PTRH1: variants seen among roughly 807,000 people sequenced by gnomAD.
PTRH1 encodes the protein peptidyl-tRNA hydrolase 1 homolog.
Under a neutral mutation model 15.7 loss-of-function variants are expected in PTRH1, and 13 were observed. That is an observed-to-expected ratio of 0.83 (90% CI 0.54 to 1.31). The LOEUF is 1.31. PTRH1 is among the 40% of genes most tolerant of loss of function. The pLI, the probability that PTRH1 is intolerant of heterozygous loss-of-function variation, is 0.00. For synonymous variants in PTRH1, 139 were observed against 136.7 expected (o/e 1.02, Z -0.12); for missense variants, 319 against 296.2 (o/e 1.08, Z -0.56).
intron 1 of PTRH1, among the ~76,000 whole-genome samples, chr9:127,698,939 C>T (rs906041467): frequency 2.7e-5 from 4 of 148,134 alleles, no homozygotes; most frequent in Non-Finnish European, 4.5e-5. Context: ...GACGGAGTCT[C>T]GCCCAGGCTG....
In PTRH1 at chr9:127,706,968, G is replaced by A. The variant is rs1842655940; in HGVS notation, c.205+8467C>T. 1.9e-6 allele frequency: 3 copies of A among 1,585,888 alleles called. No homozygotes were observed. In the Admixed American group the frequency reaches 5.2e-5, roughly 27 times the overall value. On this transcript the variant is annotated intron_variant, in intron 1 of 2. Transcript: ENST00000335223. Reference sequence around the variant, plus strand: ...TCCCTCGGCCTGTTGCTATGTACGGGACCAGCTTCCTTAGCAACCACCTGG... The same window carrying A: ...TCCCTCGGCCTGTTGCTATGTACGGAACCAGCTTCCTTAGCAACCACCTGG...
downstream of PTRH1, chr9:127,712,643 A>C (rs1010045908): frequency 6.2e-7 from 1 of 1,612,848 alleles, no homozygotes; most frequent in Non-Finnish European, 8.5e-7. Flanking sequence ...TGAGGTTGGA[A>C]TTTCCTGGAC....
Position 127,715,602 on chromosome 9 carries a change from A to G in PTRH1, c.38T>C (p.Leu13Pro). ...PGGFLGAGQR[L>P]SRAMSRCVLE... ...AACACATCGGCTCATGGCTCTACTC[A>G]GCCGCTGTCCGGCGCCCAAAAAGCC... Residue 13 changes from leucine to proline, a missense_variant, in exon 1 of 5, where the codon CTG becomes CCG. Transcript: ENST00000543175. This position sits in a 1 kb window ranked among gnomAD's most constrained non-coding sequence, Gnocchi z 5.8. 6.2e-7 allele frequency: 1 copy of G among 1,612,968 alleles called. No homozygotes were observed. The highest frequency in any genetic ancestry group is 8.5e-7 in the Non-Finnish European group (1 of 1,179,994).
At chr9:127,702,798 G>A (rs922546037) in intron 1 of PTRH1, among the ~76,000 whole-genome samples, 1 of 151,198 alleles carries the variant, frequency 6.6e-6, no homozygotes, top group African/African-American at 2.4e-5. Context: ...TGCAACCTCT[G>A]CCTCCTGGAT....
chr9:127,714,186 G>A lies in PTRH1; in HGVS notation c.559C>T (p.Leu187=), dbSNP rs1173880764. Residue 187 remains leucine, a synonymous_variant, in exon 5 of 5, where the codon CTG becomes TTG. Coordinates refer to ENST00000543175, the MANE Select transcript of PTRH1 (RefSeq NM_001002913.3). The part of the protein sequence containing the change: ...LGCFSPAEQE[L]LPLLLDRATD... ...GCTCGATCCAGCAACAGAGGCAGCA[G>A]CTCCTGCTCAGCAGGGGAGAAGCAG... The A allele has an allele frequency of 1.2e-6, 2 of 1,613,890 alleles. No homozygotes were observed. The highest frequency in any genetic ancestry group is 1.3e-5 in the African/African-American group (1 of 74,950).
chr9:127,708,044 C>T (rs1361947685), intron 1 of PTRH1, among the ~76,000 whole-genome samples: 2 of 152,122 alleles, frequency 1.3e-5, no homozygotes, highest in East Asian at 3.9e-4. Context: ...GGGAAGTCAC[C>T]CCCAGGAAGA....
At chr9:127,714,780 AC>A in intron 2 of PTRH1, 78 bp from the exon 3 acceptor site, 1 of 1,255,432 alleles carries the variant, frequency 8.0e-7, no homozygotes, top group Non-Finnish European at 1.1e-6. Context: ...ATGATGAGGG[AC>A]CACAACTAAT....
chr9:127,710,599 A>AG, downstream of PTRH1: 4 of 1,578,472 alleles, frequency 2.5e-6, no homozygotes, highest in Admixed American at 1.8e-5. Flanking sequence ...TGTGGCGGCC[A>AG]GGGGGGAAGC....
chr9:127,710,843 G>A (rs1046053615), downstream of PTRH1: 1 of 1,433,076 alleles, frequency 7.0e-7, no homozygotes, highest in African/African-American at 1.4e-5. Context: ...GCTTCTAACT[G>A]GGGGGTTAGA....
chr9:127,707,092 G>T (rs746909923), intron 1 of PTRH1: 2 of 1,613,940 alleles, frequency 1.2e-6, no homozygotes, highest in Non-Finnish European at 8.5e-7. Context: ...GAAGAAAGGG[G>T]GCAAGAAGGA....
rs1656500720 is a variant in PTRH1 at position 127,705,499 on chromosome 9, G to A, written c.205+9936C>T. ...TCCTGGTGCTGATGAAGGCGAGGAG[G>A]GCAGGTCTCCAAGCTGACACCCTCT... On this transcript the variant is annotated intron_variant, in intron 1 of 2. Coordinates refer to the PTRH1 transcript ENST00000335223. The surrounding 1 kb of genome is among the most constrained non-coding windows in gnomAD (Gnocchi z 4.7). Among the ~76,000 whole-genome samples the A allele has an allele frequency of 6.6e-6, 1 of 152,212 alleles. No individual in the cohort carries two copies. Among genetic ancestry groups the A allele is most frequent in the Admixed American group, 6.5e-5 (1 of 15,280 alleles).
chr9:127,697,178 G>A (rs988193170), intron 1 of PTRH1, among the ~76,000 whole-genome samples: 3 of 152,128 alleles, frequency 2.0e-5, no homozygotes, highest in African/African-American at 7.2e-5. Flanking sequence ...TTCAACTGAA[G>A]CACAGTAACC....
downstream of PTRH1, chr9:127,710,516 G>C: frequency 6.7e-7 from 1 of 1,492,122 alleles, no homozygotes; most frequent in Admixed American, 2.0e-5. Context: ...AAGGGACAGG[G>C]ACCTAAGGGG....
At chr9:127,704,327 A>T (rs1488985259) in intron 1 of PTRH1, among the ~76,000 whole-genome samples, 1 of 151,956 alleles carries the variant, frequency 6.6e-6, no homozygotes, top group Non-Finnish European at 1.5e-5. Flanking sequence ...CAACACGATG[A>T]AACTCCGTCT....
At chr9:127,709,576 C>T (rs1182326820), downstream of PTRH1, 1 of 1,614,076 alleles carries the variant, frequency 6.2e-7, no homozygotes, top group African/African-American at 1.3e-5. The surrounding 1 kb of genome is among the most constrained non-coding windows in gnomAD (Gnocchi z 4.7). Context: ...CGAGCAGCTC[C>T]AGAACTTGCA....
chr9:127,712,890 C>G (rs1338199755), downstream of PTRH1: 1 of 1,603,490 alleles, frequency 6.2e-7, no homozygotes, highest in Admixed American at 1.7e-5. Context: ...GCAAGTGGCC[C>G]TGTGTGGCCT....
intron 2 of PTRH1, chr9:127,694,860 A>G (rs1588380254): frequency 3.1e-6 from 2 of 636,092 alleles, no homozygotes; most frequent in Non-Finnish European, 5.7e-6. Flanking sequence ...TGTGGGTTCC[A>G]TCTCTTCTGG....
chr9:127,699,003 C>G (rs988859291), intron 1 of PTRH1, among the ~76,000 whole-genome samples: 1 of 150,920 alleles, frequency 6.6e-6, no homozygotes, highest in Admixed American at 6.6e-5. Context: ...CGGGTTCAAG[C>G]GATCCTCCCT....
At chr9:127,695,177 A>G in intron 1 of PTRH1, 1 of 669,850 alleles carries the variant, frequency 1.5e-6, no homozygotes, top group Non-Finnish European at 2.7e-6. Flanking sequence ...CATAAATTTA[A>G]AAAAGCCCAA....
Sources: allele counts gnomAD v4.1 joint callset (sites outside exome capture counted in the v4.1 genomes callset), GRCh38; gene constraint gnomAD v4.1.1; non-coding constraint Gnocchi (gnomAD v3.1); transcripts MANE v1.5; gene names NCBI Gene and HGNC (gene_info 2026-07-23, HGNC 2026-07-21).